The following SMYD3 variants were observed in gnomAD, a reference collection of about 807,000 sequenced individuals.
SMYD3 encodes the protein histone-lysine N-methyltransferase SMYD3.
SMYD3 carries 36 observed loss-of-function variants against 57.7 expected under a neutral mutation model. That is an observed-to-expected ratio of 0.62 (90% CI 0.48 to 0.82). SMYD3 has a LOEUF of 0.82. Among genes scored for constraint, SMYD3 ranks in the 40% least tolerant of loss-of-function variants. The pLI, the probability that SMYD3 is intolerant of heterozygous loss-of-function variation, is 0.00. For missense variants in SMYD3, 515 were observed against 538.8 expected, an observed-to-expected ratio of 0.96 and a Z score of 0.44; for synonymous variants, 211 against 195.0, an observed-to-expected ratio of 1.08 and a Z score of -0.68.
At chr1:246,168,105 C>G (rs1470214592) in intron 5 of SMYD3, among the ~76,000 whole-genome samples, 1 of 152,114 alleles carries the variant, frequency 6.6e-6, no homozygotes, top group Non-Finnish European at 1.5e-5. Context: ...GAGACCTTGA[C>G]AAAATTATCT....
intron 11 of SMYD3, among the ~76,000 whole-genome samples, chr1:245,757,421 A>T (rs559157652): frequency 6.6e-6 from 1 of 151,936 alleles, no homozygotes; most frequent in East Asian, 1.9e-4. Context: ...AAAAGTGTTT[A>T]ATTTTGGTGA....
At chr1:246,148,162 C>A (rs1387169613) in intron 5 of SMYD3, among the ~76,000 whole-genome samples, 1 of 152,146 alleles carries the variant, frequency 6.6e-6, no homozygotes, top group East Asian at 1.9e-4. Flanking sequence ...CGTCTGGGTG[C>A]ACATGGAGGA....
intron 10 of SMYD3, among the ~76,000 whole-genome samples, chr1:245,766,400 TAAAAA>T (rs35500837): frequency 8.4e-4 from 85 of 101,752 alleles, no homozygotes; most frequent in Middle Eastern, 5.6e-3. Context: ...GACTCTGTCT[TAAAAA>T]AAAAAAAAAA....
At chr1:245,800,278 A>G (rs1327070243) in intron 10 of SMYD3, among the ~76,000 whole-genome samples, 1 of 152,142 alleles carries the variant, frequency 6.6e-6, no homozygotes, top group East Asian at 1.9e-4. Flanking sequence ...ACCTAAAAGC[A>G]GGTCCTTCCA....
At chr1:246,008,687 G>C (rs2059222795) in intron 5 of SMYD3, among the ~76,000 whole-genome samples, 1 of 152,138 alleles carries the variant, frequency 6.6e-6, no homozygotes, top group Non-Finnish European at 1.5e-5. Context: ...CTCAACACCG[G>C]GGAACAAAGC....
chr1:246,070,872 T>C (rs1485286532), intron 5 of SMYD3, among the ~76,000 whole-genome samples: 3 of 152,242 alleles, frequency 2.0e-5, no homozygotes, highest in African/African-American at 4.8e-5. Context: ...TGTTTTAAAC[T>C]GGTATTTAAA....
At chr1:246,189,743 C>T (rs10924536) in intron 5 of SMYD3, among the ~76,000 whole-genome samples, 340 of 152,212 alleles carry the variant, frequency 2.2e-3, no homozygotes, top group African/African-American at 7.5e-3. Context: ...TATTTATGTA[C>T]GTATCATGGT....
At chr1:246,284,003 A>G (rs1235055194) in intron 5 of SMYD3, among the ~76,000 whole-genome samples, 1 of 152,246 alleles carries the variant, frequency 6.6e-6, no homozygotes, top group Non-Finnish European at 1.5e-5. Context: ...CAAACAAGGT[A>G]AATTACTCAT....
chr1:246,401,661 T>C (rs932065554), intron 1 of SMYD3, among the ~76,000 whole-genome samples: 3 of 151,306 alleles, frequency 2.0e-5, no homozygotes, highest in African/African-American at 4.9e-5. Context: ...AAATAGAGTA[T>C]GTAATAATCA....
Position 246,311,001 on chromosome 1 carries a change from A to G in SMYD3, c.531+16200T>C, listed in dbSNP as rs148669360. Among the ~76,000 whole-genome samples, 300 of 152,228 alleles carry G rather than the reference A, an allele frequency of 2.0e-3. 2 individuals carry two copies. The highest frequency in any genetic ancestry group is 6.9e-3 in the African/African-American group (286 of 41,534). On this transcript the variant is annotated intron_variant, in intron 5 of 11. Transcript: ENST00000490107. ...AGGCTTTAAAGAGCCTACTCAACTA[A>G]TACTGAAGACTGTTAGTAAATATGT...
At chr1:246,271,158 C>T (rs905625296) in intron 5 of SMYD3, among the ~76,000 whole-genome samples, 3 of 152,020 alleles carry the variant, frequency 2.0e-5, no homozygotes, top group African/African-American at 7.2e-5. Context: ...AATCATGTTG[C>T]TTTTCTATTG....
chr1:245,977,049 G>GGCCCAGGGAAAGCCATCGTCTCCA lies in SMYD3; in HGVS notation c.532-47113_532-47112insTGGAGACGATGGCTTTCCCTGGGC. Among the ~76,000 whole-genome samples, 2 of 10,004 alleles carry GGCCCAGGGAAAGCCATCGTCTCCA rather than the reference G, an allele frequency of 2.0e-4. 1 individual carries two copies. Among genetic ancestry groups the GGCCCAGGGAAAGCCATCGTCTCCA allele is most frequent in the African/African-American group, 4.3e-4 (2 of 4,626 alleles). 6.6% of individuals were successfully genotyped at this position (10,004 alleles called of 152,430 possible). On this transcript the variant is annotated intron_variant, in intron 5 of 11. Transcript: ENST00000490107. ...TAGCCCAGGGAAAGCCATCGTCTCC[G>GGCCCAGGGAAAGCCATCGTCTCCA]GCCCAGGGAAAGCCATCGTCTCTAG... is the stretch of plus-strand genomic sequence containing the variant.
chr1:246,047,310 G>A (rs1473709458), intron 5 of SMYD3, among the ~76,000 whole-genome samples: 1 of 152,168 alleles, frequency 6.6e-6, no homozygotes, highest in Non-Finnish European at 1.5e-5. Flanking sequence ...GGACAGAAAA[G>A]TTGAACAATT....
At chr1:245,913,534 T>C (rs869158642) in intron 8 of SMYD3, among the ~76,000 whole-genome samples, 1 of 141,834 alleles carries the variant, frequency 7.1e-6, no homozygotes, top group African/African-American at 2.6e-5. Flanking sequence ...AAAGAAAACA[T>C]AGGGGAAACA....
intron 11 of SMYD3, among the ~76,000 whole-genome samples, chr1:245,753,207 G>C (rs1051468006): frequency 6.6e-6 from 1 of 151,196 alleles, no homozygotes; most frequent in African/African-American, 2.4e-5. Flanking sequence ...GAAACAGAGA[G>C]GAAATGGGTA....
At chr1:246,369,384 T>A (rs2066157434) in intron 1 of SMYD3, among the ~76,000 whole-genome samples, 2 of 152,186 alleles carry the variant, frequency 1.3e-5, no homozygotes, top group Admixed American at 1.3e-4. Flanking sequence ...TTCCTAGTTA[T>A]TTTTGGGAAA....
chr1:246,421,996 G>A (rs115222576), intron 1 of SMYD3, among the ~76,000 whole-genome samples: 1,756 of 152,140 alleles, frequency 0.012, 35 homozygotes, highest in African/African-American at 0.04. Context: ...ATCTCTTCCC[G>A]GACCACTCTC....
At chr1:246,210,603 A>G (rs4654219) in intron 5 of SMYD3, among the ~76,000 whole-genome samples, 63,004 of 151,510 alleles carry the variant, frequency 0.42, 14,711 homozygotes, top group East Asian at 0.79. Context: ...TCAGCTACTC[A>G]GGAGGCTGAG....
chr1:245,787,775 C>T (rs1216664491), intron 10 of SMYD3, among the ~76,000 whole-genome samples: 1 of 152,144 alleles, frequency 6.6e-6, no homozygotes, highest in Admixed American at 6.5e-5. Flanking sequence ...CAACTACGTG[C>T]TGCATTTTCA....
Sources: gnomAD v4.1 joint callset for allele counts (sites outside exome capture counted in the v4.1 genomes callset) on GRCh38, gnomAD v4.1.1 for gene constraint, MANE v1.5 for transcripts, NCBI Gene and HGNC (gene_info 2026-07-23, HGNC 2026-07-21) for gene names.